PCSK5: variants seen among roughly 807,000 people sequenced by gnomAD.
The protein encoded by PCSK5 is prohormone convertase 5.
PCSK5 carries 129 observed loss-of-function variants against 233.2 expected under a neutral mutation model. The ratio of observed to expected loss-of-function variants is 0.55; its 90% CI spans 0.48 to 0.64. PCSK5 has a LOEUF of 0.64. Ranked by LOEUF, PCSK5 falls within the 30% of genes least tolerant of loss-of-function variation. PCSK5 has a pLI of 0.00. For missense variants in PCSK5, 2,076 were observed against 2,430.1 expected, an observed-to-expected ratio of 0.85 and a Z score of 3.06; for synonymous variants, 825 against 879.2, an observed-to-expected ratio of 0.94 and a Z score of 1.09.
Position 76,048,686 on chromosome 9 carries a change from A to T in PCSK5, c.633-19269A>T, listed in dbSNP as rs115200912. Among the ~76,000 whole-genome samples the T allele has an allele frequency of 2.9e-3, 442 of 152,318 alleles. 4 individuals carry two copies. Among genetic ancestry groups the T allele is most frequent in the African/African-American group, 0.01 (430 of 41,574 alleles). On this transcript the variant is annotated intron_variant, in intron 5 of 37. Coordinates refer to ENST00000674117, the MANE Select transcript of PCSK5 (RefSeq NM_001372043.1). ...GGGATAAAAATACATGTAGTACACG[A>T]CTATTAGAGAGATCAAATGAAATTA...
At position 75,904,393 on chromosome 9, in the gene PCSK5, A is replaced by G. The variant is rs1382498506; in HGVS notation, c.192+13020A>G. Among the ~76,000 whole-genome samples the G allele has an allele frequency of 2.6e-5, 4 of 152,240 alleles. No individual in the cohort carries two copies. In the East Asian group the frequency reaches 7.7e-4, roughly 29 times the overall value. On this transcript the variant is annotated intron_variant, in intron 1 of 37. Transcript: ENST00000674117. ...AGTAAATATTTGCAAATCATATCTG[A>G]GGAAGACTTGTACCCAAAATATGTA...
At chr9:76,285,778 C>T (rs1490238775) in intron 24 of PCSK5, among the ~76,000 whole-genome samples, 3 of 151,222 alleles carry the variant, frequency 2.0e-5, no homozygotes, top group African/African-American at 7.3e-5. Flanking sequence ...TCTGTCTCCC[C>T]CAAAAGAAAA....
Position 75,924,350 on chromosome 9 carries a change from T to C in PCSK5, c.193-8029T>C, listed in dbSNP as rs137884422. Among the ~76,000 whole-genome samples the C allele has an allele frequency of 2.4e-4, 37 of 152,220 alleles. No individual in the cohort carries two copies. The East Asian group carries it at 7.2e-3, about 29-fold the overall frequency. Reference sequence around the variant, plus strand: ...ATACTCTGAATGATTGACTTGAAACTAAAGTCTAAAAAAAAATAGCTTTTT... The same window carrying C: ...ATACTCTGAATGATTGACTTGAAACCAAAGTCTAAAAAAAAATAGCTTTTT... On this transcript the variant is annotated intron_variant, in intron 1 of 37. Coordinates refer to ENST00000674117, the MANE Select transcript of PCSK5 (RefSeq NM_001372043.1).
intron 8 of PCSK5, among the ~76,000 whole-genome samples, chr9:76,100,309 T>G (rs1436473186): frequency 6.6e-6 from 1 of 152,262 alleles, no homozygotes; most frequent in African/African-American, 2.4e-5. Flanking sequence ...ACATAATTGT[T>G]CACATTTCAT....
At chr9:76,258,060 C>G (rs913274416) in intron 24 of PCSK5, among the ~76,000 whole-genome samples, 1 of 152,114 alleles carries the variant, frequency 6.6e-6, no homozygotes, top group Non-Finnish European at 1.5e-5. Context: ...CTCCCAGGTA[C>G]AGGGAGGGCC....
At chr9:76,343,614 T>A (rs1829899152) in intron 35 of PCSK5, among the ~76,000 whole-genome samples, 1 of 152,164 alleles carries the variant, frequency 6.6e-6, no homozygotes, top group South Asian at 2.1e-4. Flanking sequence ...AATCAGGGCA[T>A]AATTAGTAAC....
intron 2 of PCSK5, among the ~76,000 whole-genome samples, chr9:75,977,406 T>C (rs934990036): frequency 5.5e-5 from 7 of 126,708 alleles, no homozygotes; most frequent in Non-Finnish European, 3.2e-5. Flanking sequence ...TATTTCCAGG[T>C]TCTTGACCTG....
intron 3 of PCSK5, among the ~76,000 whole-genome samples, chr9:75,992,104 T>C (rs1563959686): frequency 6.6e-6 from 1 of 152,042 alleles, no homozygotes; most frequent in Non-Finnish European, 1.5e-5. Flanking sequence ...TCTAAAATCA[T>C]AAATAAACAT....
In PCSK5 at chr9:76,242,072, A is replaced by G. The variant is rs186480148; in HGVS notation, c.3142+1388A>G. On this transcript the variant is annotated intron_variant, in intron 24 of 37. Transcript: ENST00000674117. ...GCAGACTTTTTATTTGCCTTACCCA[A>G]TGGATTTTCTTAATTTTTTTCTTAC... Among the ~76,000 whole-genome samples the G allele has an allele frequency of 9.8e-4, 149 of 152,318 alleles. 1 individual carries two copies. Among genetic ancestry groups the G allele is most frequent in the Non-Finnish European group, 1.7e-3 (117 of 68,026 alleles).
intron 21 of PCSK5, among the ~76,000 whole-genome samples, chr9:76,232,700 T>TGCTC (rs1826130817): frequency 6.6e-6 from 1 of 152,268 alleles, no homozygotes; most frequent in Non-Finnish European, 1.5e-5. Flanking sequence ...TAGTCACATT[T>TGCTC]GCTCTTACGA....
intron 2 of PCSK5, among the ~76,000 whole-genome samples, chr9:75,952,341 G>T (rs916893882): frequency 6.6e-6 from 1 of 152,022 alleles, no homozygotes; most frequent in African/African-American, 2.4e-5. Context: ...TCAACTCATC[G>T]CACAAATTTC....
chr9:75,986,073 A>G (rs1317150629), intron 2 of PCSK5, 59 bp from the exon 3 acceptor site: 8 of 996,164 alleles, frequency 8.0e-6, no homozygotes, highest in Non-Finnish European at 1.1e-5. Flanking sequence ...TCAGACTGTC[A>G]TTTATGTTGT....
chr9:76,158,956 C>G, intron 11 of PCSK5, 27 bp from the exon 12 acceptor site: 1 of 1,597,710 alleles, frequency 6.3e-7, no homozygotes, highest in Non-Finnish European at 8.6e-7. Context: ...GTCATTTGCT[C>G]AAACTCTCCA....
At chr9:76,043,706 T>A (rs576268599) in intron 5 of PCSK5, among the ~76,000 whole-genome samples, 3 of 152,292 alleles carry the variant, frequency 2.0e-5, no homozygotes, top group Admixed American at 1.3e-4. Flanking sequence ...TATGTATGTA[T>A]TTATTTTGAG....
At chr9:76,170,255 G>T (rs1475393007) in intron 13 of PCSK5, among the ~76,000 whole-genome samples, 1 of 134,290 alleles carries the variant, frequency 7.4e-6, no homozygotes, top group African/African-American at 2.7e-5. Flanking sequence ...TTCAGTTTAG[G>T]CAAGACATTG....
At chr9:76,170,225 A>AG (rs139710735) in intron 13 of PCSK5, among the ~76,000 whole-genome samples, 2 of 134,402 alleles carry the variant, frequency 1.5e-5, no homozygotes, top group Non-Finnish European at 3.2e-5. Flanking sequence ...ATTTCTTTTT[A>AG]GTTTTCCCTA....
At chr9:76,104,931 C>A (rs903198604) in intron 8 of PCSK5, among the ~76,000 whole-genome samples, 3 of 152,202 alleles carry the variant, frequency 2.0e-5, no homozygotes, top group Non-Finnish European at 2.9e-5. Context: ...TGTGTTCATG[C>A]ATTGACTTAG....
intron 10 of PCSK5, among the ~76,000 whole-genome samples, chr9:76,152,022 A>G (rs1417417719): frequency 6.6e-6 from 1 of 152,218 alleles, no homozygotes; most frequent in African/African-American, 2.4e-5. Flanking sequence ...TCGAATAATC[A>G]AATAATTGAA....
intron 20 of PCSK5, among the ~76,000 whole-genome samples, chr9:76,197,866 T>G (rs1401592483): frequency 6.6e-6 from 1 of 152,222 alleles, no homozygotes; most frequent in Non-Finnish European, 1.5e-5. Flanking sequence ...TTATGTTTGT[T>G]GCAGACTCAT....
Sources: allele counts gnomAD v4.1 joint callset (sites outside exome capture counted in the v4.1 genomes callset), GRCh38; gene constraint gnomAD v4.1.1; transcripts MANE v1.5; gene names NCBI Gene and HGNC (gene_info 2026-07-23, HGNC 2026-07-21).